The following NSUN7 variants were observed in gnomAD, a reference collection of about 807,000 sequenced individuals.
The protein encoded by NSUN7 is NOP2/Sun RNA methyltransferase family member 7, also known as protein NSUN7.
In NSUN7, 39 loss-of-function variants were observed where a neutral mutation model predicts 58.5. That is an observed-to-expected ratio of 0.67 (90% CI 0.52 to 0.87). NSUN7 has a LOEUF of 0.87. NSUN7 is among the 40% of genes least tolerant of loss of function. The pLI, the probability that NSUN7 is intolerant of heterozygous loss-of-function variation, is 0.00. For missense variants in NSUN7, 765 were observed against 844.1 expected (o/e 0.91, Z 1.16); for synonymous variants, 278 against 303.7 (o/e 0.92, Z 0.88).
intron 7 of NSUN7, among the ~76,000 whole-genome samples, chr4:40,779,463 G>C (rs931527760): frequency 8.5e-5 from 13 of 152,124 alleles, no homozygotes; most frequent in Non-Finnish European, 1.8e-4. Flanking sequence ...AATTAGCCGG[G>C]TGTGATGGCA....
In NSUN7 at chr4:40,761,189, C is replaced by G; in HGVS notation, c.376C>G (p.Leu126Val). ...STTIPDHLSS[L>V]IIVMLYDFQD... ...TTGTTAGCCAGATCATTTGAGCAGT[C>G]TTATTATTGTGATGCTATATGATTT... Residue 126 changes from leucine to valine, a missense_variant, in exon 4 of 12, where the codon CTT (leucine) becomes GTT (valine). Coordinates refer to ENST00000381782, the MANE Select transcript of NSUN7 (RefSeq NM_024677.6). 6.3e-7 allele frequency: 1 copy of G among 1,584,728 alleles called. No homozygotes were observed. Among genetic ancestry groups the G allele is most frequent in the Non-Finnish European group, 8.5e-7 (1 of 1,170,434 alleles).
At chr4:40,796,765 C>T (rs1355968595) in intron 9 of NSUN7, among the ~76,000 whole-genome samples, 1 of 152,202 alleles carries the variant, frequency 6.6e-6, no homozygotes, top group East Asian at 1.9e-4. Flanking sequence ...CCATAACTCT[C>T]TTCATATCCC....
chr4:40,796,894 C>T (rs997703361), intron 9 of NSUN7, among the ~76,000 whole-genome samples: 5 of 152,170 alleles, frequency 3.3e-5, no homozygotes, highest in African/African-American at 1.2e-4. Flanking sequence ...CTGTAACTTG[C>T]CTTTCCCCTG....
intron 8 of NSUN7, among the ~76,000 whole-genome samples, chr4:40,792,585 A>C (rs1009116438): frequency 2.0e-5 from 3 of 152,084 alleles, no homozygotes; most frequent in Non-Finnish European, 2.9e-5. Flanking sequence ...CCCCGTCTCT[A>C]CTAAAAATAC....
At chr4:40,767,134 G>A (rs888215654) in intron 4 of NSUN7, among the ~76,000 whole-genome samples, 1 of 151,842 alleles carries the variant, frequency 6.6e-6, no homozygotes, top group Non-Finnish European at 1.5e-5. Context: ...GCTTTTGAAT[G>A]TGCTTGCTCT....
intron 10 of NSUN7, among the ~76,000 whole-genome samples, chr4:40,799,373 T>C (rs1008685621): frequency 1.3e-5 from 2 of 151,814 alleles, no homozygotes; most frequent in Non-Finnish European, 2.9e-5. Context: ...AGAAATGATA[T>C]GGCTGGCCTG....
chr4:40,771,767 A>T (rs1046699679), intron 4 of NSUN7, among the ~76,000 whole-genome samples: 2 of 148,670 alleles, frequency 1.3e-5, no homozygotes, highest in Non-Finnish European at 3.0e-5. Flanking sequence ...TTAATATTTA[A>T]TATCATAAAG....
At chr4:40,760,392 C>T (rs768126783) in intron 2 of NSUN7, 42 bp from the exon 3 acceptor site, 37 of 1,482,996 alleles carry the variant, frequency 2.5e-5, no homozygotes, top group Middle Eastern at 3.5e-4. Flanking sequence ...TTTCATTTTC[C>T]GCTTTGTATT....
Position 40,808,322 on chromosome 4 carries a change from A to G in NSUN7, c.1540A>G (p.Thr514Ala). The stretch of plus-strand genomic sequence containing the variant: ...TTAATTGCAGCGGGACCCTTCTGAG[A>G]CAGTGTCTGTGAATGATGTTTTGGC... Reference protein sequence around the residue: ...ILTRERDPSETVSVNDVLARA... With the variant: ...ILTRERDPSEAVSVNDVLARA... Residue 514 changes from threonine to alanine, a missense_variant, in exon 12 of 12, where the codon ACA becomes GCA. Thr to Ala is a moderately conservative substitution (Grantham distance 58, BLOSUM62 0). Coordinates refer to ENST00000381782, the MANE Select transcript of NSUN7 (RefSeq NM_024677.6). The G allele has an allele frequency of 6.2e-7, 1 of 1,612,616 alleles. No individual in the cohort carries two copies. Among genetic ancestry groups the G allele is most frequent in the Non-Finnish European group, 8.5e-7 (1 of 1,179,032 alleles).
chr4:40,758,265 A>T (rs906750314), intron 2 of NSUN7, among the ~76,000 whole-genome samples: 1 of 152,092 alleles, frequency 6.6e-6, no homozygotes, highest in Non-Finnish European at 1.5e-5. Context: ...CTGCTCAAAG[A>T]GGTCTGCCAA....
chr4:40,777,691 T>C (rs1416173833), intron 7 of NSUN7, among the ~76,000 whole-genome samples: 1 of 152,212 alleles, frequency 6.6e-6, no homozygotes, highest in Non-Finnish European at 1.5e-5. Flanking sequence ...AGAAAAGATA[T>C]GACTAAAACA....
At chr4:40,780,274 C>T (rs779764296) in intron 7 of NSUN7, among the ~76,000 whole-genome samples, 50 of 150,870 alleles carry the variant, frequency 3.3e-4, no homozygotes, top group Non-Finnish European at 6.4e-4. Flanking sequence ...AGTGAGACTC[C>T]GTCTCATAAA....
chr4:40,799,079 T>G (rs2465573), intron 10 of NSUN7, among the ~76,000 whole-genome samples, 175 bp downstream of exon 10: 500 of 18,212 alleles, frequency 0.027, 4 homozygotes, highest in African/African-American at 0.051. Flanking sequence ...TTTTCTTTTT[T>G]TTTTTTTTTT....
intron 2 of NSUN7, among the ~76,000 whole-genome samples, chr4:40,757,123 G>C (rs1195168997): frequency 6.6e-6 from 1 of 152,156 alleles, no homozygotes; most frequent in Non-Finnish European, 1.5e-5. Flanking sequence ...CAGCTACTCG[G>C]GAGGCTGAGT....
At chr4:40,772,195 C>G (rs1382523817) in intron 4 of NSUN7, among the ~76,000 whole-genome samples, 4 of 152,120 alleles carry the variant, frequency 2.6e-5, no homozygotes, top group African/African-American at 9.7e-5. Flanking sequence ...CCCGTATACA[C>G]AGCACATGTA....
At chr4:40,780,788 T>C (rs55846151) in intron 7 of NSUN7, among the ~76,000 whole-genome samples, 36,064 of 89,456 alleles carry the variant, frequency 0.4, 6,857 homozygotes, top group Admixed American at 0.49. Flanking sequence ...CACACACACA[T>C]ACACATATAT....
At chr4:40,755,178 C>T (rs1057486241) in intron 2 of NSUN7, among the ~76,000 whole-genome samples, 1 of 152,182 alleles carries the variant, frequency 6.6e-6, no homozygotes, top group Admixed American at 6.6e-5. Flanking sequence ...CAACCTCTTT[C>T]TCCCAGGTTC....
chr4:40,776,995 A>G (rs1369481444), intron 7 of NSUN7, among the ~76,000 whole-genome samples: 1 of 152,232 alleles, frequency 6.6e-6, no homozygotes, highest in Non-Finnish European at 1.5e-5. Flanking sequence ...ACATTTTATT[A>G]TAGGTTCAGC....
At chr4:40,784,460 A>G (rs558809909) in intron 7 of NSUN7, among the ~76,000 whole-genome samples, 2 of 152,362 alleles carry the variant, frequency 1.3e-5, no homozygotes, top group Admixed American at 1.3e-4. Flanking sequence ...ATGAAATCCT[A>G]ATGGTGCAAG....
Sources: allele counts gnomAD v4.1 joint callset (sites outside exome capture counted in the v4.1 genomes callset), GRCh38; gene constraint gnomAD v4.1.1; transcripts MANE v1.5; gene names NCBI Gene and HGNC (gene_info 2026-07-23, HGNC 2026-07-21).